Variants in CAMTA1 observed in about 807,000 individuals in gnomAD.
The protein encoded by CAMTA1 is calmodulin binding transcription activator 1, also known as calmodulin-binding transcription activator 1.
CAMTA1 carries 27 observed loss-of-function variants against 170.9 expected under a neutral mutation model. That is an observed-to-expected ratio of 0.16 (90% CI 0.12 to 0.22). The LOEUF (loss-of-function observed/expected upper bound fraction) is 0.22, where lower values mean the gene tolerates loss of function less well. Among genes scored for constraint, CAMTA1 ranks in the 10% least tolerant of loss-of-function variants. CAMTA1 has a pLI of 1.00. For missense variants in CAMTA1, 1,619 were observed against 2,217.2 expected (o/e 0.73, Z 5.42); for synonymous variants, 833 against 891.5 (o/e 0.93, Z 1.17).
intron 5 of CAMTA1, among the ~76,000 whole-genome samples, chr1:7,374,021 G>A (rs1052817622): frequency 6.6e-6 from 1 of 152,212 alleles, no homozygotes; most frequent in African/African-American, 2.4e-5. Flanking sequence ...ATCCTGACTG[G>A]TGGCTCCTGC....
chr1:7,383,927 C>A (rs181897866), intron 5 of CAMTA1, among the ~76,000 whole-genome samples: 16 of 152,250 alleles, frequency 1.1e-4, no homozygotes, highest in Admixed American at 1.0e-3. Flanking sequence ...GAATCTGCCC[C>A]CATTTTTCCA....
Position 6,911,091 on chromosome 1 carries a change from C to T in CAMTA1, c.234+85881C>T, listed in dbSNP as rs1354946548. ...CCTCTCAGACATCCCCTGTGCCTAC[C>T]ACTCCTGGCCAGCTTCCTTTGTTTT... On this transcript the variant is annotated intron_variant, in intron 3 of 22. Coordinates refer to ENST00000303635, the MANE Select transcript of CAMTA1 (RefSeq NM_015215.4). 3.3e-5 allele frequency among the ~76,000 whole-genome samples: 5 copies of T among 152,216 alleles called. No individual in the cohort carries two copies. In the East Asian group the frequency reaches 7.7e-4, roughly 23 times the overall value.
chr1:7,638,615 C>T (rs572140836), intron 6 of CAMTA1, among the ~76,000 whole-genome samples: 1 of 151,966 alleles, frequency 6.6e-6, no homozygotes, highest in East Asian at 1.9e-4. Context: ...GCACTCCAGC[C>T]TAGGTGACAC....
At chr1:7,542,429 G>GT (rs970301234) in intron 6 of CAMTA1, among the ~76,000 whole-genome samples, 44 of 151,276 alleles carry the variant, frequency 2.9e-4, no homozygotes, top group African/African-American at 7.0e-4. Context: ...ATATTTTTTT[G>GT]TTTTTTTTGT....
intron 4 of CAMTA1, among the ~76,000 whole-genome samples, chr1:7,236,689 C>T (rs1002734115): frequency 1.3e-5 from 2 of 152,194 alleles, no homozygotes; most frequent in African/African-American, 4.8e-5. Flanking sequence ...AAAGGGCCCT[C>T]CCCGGCACCT....
intron 3 of CAMTA1, among the ~76,000 whole-genome samples, chr1:6,899,892 G>C (rs1223172434): frequency 6.6e-6 from 1 of 152,168 alleles, no homozygotes; most frequent in Non-Finnish European, 1.5e-5. Context: ...TGGTGAACTT[G>C]GTGTTGCCTC....
intron 3 of CAMTA1, among the ~76,000 whole-genome samples, chr1:6,933,166 C>A (rs1178157641): frequency 1.3e-5 from 2 of 152,074 alleles, no homozygotes; most frequent in Non-Finnish European, 2.9e-5. Flanking sequence ...CTCACATGAT[C>A]CTTCTGCCTC....
chr1:7,668,396 C>CAA (rs60186516), intron 9 of CAMTA1, among the ~76,000 whole-genome samples: 6,950 of 131,972 alleles, frequency 0.053, 202 homozygotes, highest in African/African-American at 0.072. Context: ...CCAACACACA[C>CAA]ACACACACAC....
chr1:7,261,414 G>C (rs1574276489), intron 5 of CAMTA1, among the ~76,000 whole-genome samples: 1 of 152,146 alleles, frequency 6.6e-6, no homozygotes, highest in Non-Finnish European at 1.5e-5. Flanking sequence ...CCATTGGCTT[G>C]AAATTTCCTA....
rs200097883 is a variant in CAMTA1, at chr1:7,736,570, C to G, written c.3263+30C>G. 16 of 1,600,974 alleles carry G rather than the reference C, an allele frequency of 1.0e-5. No individual in the cohort carries two copies. In the African/African-American group the frequency reaches 2.0e-4, roughly 20 times the overall value. On this transcript the variant is annotated intron_variant, in intron 13 of 22. Transcript: ENST00000303635. The surrounding 1 kb of genome is among the most constrained non-coding windows in gnomAD (Gnocchi z 4.5). The stretch of plus-strand genomic sequence containing the variant: ...GGCTGTGGTGCAGCTGGCTGGGGGT[C>G]AGCCTCGCACATCCTCGCTCACATT...
In CAMTA1 at chr1:7,504,838, G is replaced by T. The variant is rs548236028; in HGVS notation, c.510+36937G>T. 1.9e-4 allele frequency among the ~76,000 whole-genome samples: 29 copies of T among 152,388 alleles called. No homozygotes were observed. In the East Asian group the frequency reaches 5.6e-3, roughly 29 times the overall value. The stretch of plus-strand genomic sequence containing the variant: ...CACAAGTGCCTCTTACAGTGACACA[G>T]CTGGCCTTTCTCAGAATGCCATGCC... On this transcript the variant is annotated intron_variant, in intron 6 of 22. Coordinates refer to ENST00000303635, the MANE Select transcript of CAMTA1 (RefSeq NM_015215.4).
chr1:7,336,282 A>G (rs1016087944), intron 5 of CAMTA1, among the ~76,000 whole-genome samples: 6 of 152,212 alleles, frequency 3.9e-5, no homozygotes, highest in African/African-American at 1.4e-4. Context: ...TGTGTTCATC[A>G]GCGCCCAGAG....
At chr1:7,572,972 G>T (rs2095142581) in intron 6 of CAMTA1, among the ~76,000 whole-genome samples, 1 of 152,184 alleles carries the variant, frequency 6.6e-6, no homozygotes, top group African/African-American at 2.4e-5. Context: ...CCAGAAACAG[G>T]CAGCCGGCGC....
chr1:7,211,413 T>C (rs923941507), intron 4 of CAMTA1, among the ~76,000 whole-genome samples: 1 of 152,232 alleles, frequency 6.6e-6, no homozygotes, highest in African/African-American at 2.4e-5. Flanking sequence ...TTCTCCATCG[T>C]CTTCAGCAGC....
chr1:7,753,167 C>A (rs1270449879), intron 21 of CAMTA1, among the ~76,000 whole-genome samples: 1 of 152,222 alleles, frequency 6.6e-6, no homozygotes, highest in Non-Finnish European at 1.5e-5. Flanking sequence ...GGTCCTGTGA[C>A]CCCAGCATTC....
In CAMTA1 at chr1:6,798,629, G is replaced by T. The variant is rs562661566; in HGVS notation, c.45+13054G>T. Among the ~76,000 whole-genome samples, 46 of 94,156 alleles carry T rather than the reference G, an allele frequency of 4.9e-4. 5 individuals carry two copies. In the South Asian group the frequency reaches 0.015, roughly 31 times the overall value. 61.8% of individuals were successfully genotyped at this position (94,156 alleles called of 152,430 possible). ...TTTTGAGACGGAGTCTCGCTCTGTC[G>T]CCCAGGCCGGACTGCGGACTGCAGT... On this transcript the variant is annotated intron_variant, in intron 1 of 22. Transcript: ENST00000303635.
chr1:7,646,057 TG>T (rs2095801106), intron 7 of CAMTA1, among the ~76,000 whole-genome samples: 1 of 141,512 alleles, frequency 7.1e-6, no homozygotes. Flanking sequence ...CTGGTGAGTT[TG>T]GTGGGGGCCC....
At chr1:7,728,071 T>C (rs1186307123) in intron 11 of CAMTA1, among the ~76,000 whole-genome samples, 2 of 152,248 alleles carry the variant, frequency 1.3e-5, no homozygotes, top group Non-Finnish European at 2.9e-5. Flanking sequence ...ACATAATTGC[T>C]TCTGAGTATT....
chr1:6,879,036 T>C (rs1670717663), intron 3 of CAMTA1, among the ~76,000 whole-genome samples: 1 of 152,218 alleles, frequency 6.6e-6, no homozygotes, highest in South Asian at 2.1e-4. Flanking sequence ...TAATTTCTAC[T>C]TTGCTGAACA....
Sources: gnomAD v4.1 joint callset for allele counts (sites outside exome capture counted in the v4.1 genomes callset) on GRCh38, gnomAD v4.1.1 for gene constraint, Gnocchi (gnomAD v3.1) non-coding constraint, MANE v1.5 for transcripts, NCBI Gene and HGNC (gene_info 2026-07-23, HGNC 2026-07-21) for gene names.